The following DOCK3 variants were observed in gnomAD, a reference collection of about 807,000 sequenced individuals.
DOCK3 encodes the protein dedicator of cytokinesis protein 3.
Under a neutral mutation model 265.6 loss-of-function variants are expected in DOCK3, and 60 were observed. That is an observed-to-expected ratio of 0.23 (90% CI 0.18 to 0.28). The LOEUF (loss-of-function observed/expected upper bound fraction) is 0.28, where lower values mean the gene tolerates loss of function less well. Ranked by LOEUF, DOCK3 falls within the 10% of genes least tolerant of loss-of-function variation. The pLI is 1.00. For synonymous variants in DOCK3, 881 were observed against 938.0 expected (o/e 0.94, Z 1.11); for missense variants, 1,981 against 2,594.3 (o/e 0.76, Z 5.14).
At chr3:51,341,627 A>G (rs2085249718) in intron 38 of DOCK3, among the ~76,000 whole-genome samples, 1 of 152,246 alleles carries the variant, frequency 6.6e-6, no homozygotes. Context: ...ACTACCCTAC[A>G]TACTAGCTTT....
intron 1 of DOCK3, among the ~76,000 whole-genome samples, chr3:50,774,504 T>C (rs1271476581): frequency 6.6e-6 from 1 of 152,072 alleles, no homozygotes; most frequent in Non-Finnish European, 1.5e-5. Flanking sequence ...CATTTAATTT[T>C]CTAATTGTTT....
chr3:50,834,116 G>A (rs908585939), intron 2 of DOCK3, among the ~76,000 whole-genome samples: 2 of 151,700 alleles, frequency 1.3e-5, no homozygotes, highest in Admixed American at 1.3e-4. Flanking sequence ...CAGCTCTCCA[G>A]GAGAGTCCTG....
At chr3:50,804,164 C>T (rs1442965151) in intron 2 of DOCK3, among the ~76,000 whole-genome samples, 2 of 151,222 alleles carry the variant, frequency 1.3e-5, no homozygotes, top group East Asian at 3.9e-4. Context: ...GAGGCACTCC[C>T]CACATCTCAG....
At chr3:50,798,448 C>T (rs919422703) in intron 2 of DOCK3, among the ~76,000 whole-genome samples, 1 of 152,212 alleles carries the variant, frequency 6.6e-6, no homozygotes, top group Non-Finnish European at 1.5e-5. Flanking sequence ...GATCATCCCA[C>T]CTGCAATGGC....
chr3:51,360,278 G>A (rs546899869), intron 46 of DOCK3, among the ~76,000 whole-genome samples: 39 of 152,346 alleles, frequency 2.6e-4, no homozygotes, highest in Non-Finnish European at 5.4e-4. Context: ...TTAATGTGGA[G>A]TCAACCTGGG....
At chr3:51,350,469 C>T in intron 40 of DOCK3, 77 bp downstream of exon 40, 1 of 1,491,234 alleles carries the variant, frequency 6.7e-7, no homozygotes, top group Non-Finnish European at 9.2e-7. Context: ...CTTTTCTTCC[C>T]CTTTTTGCCT....
chr3:50,964,425 G>T (rs953841006), intron 5 of DOCK3, among the ~76,000 whole-genome samples: 12 of 152,042 alleles, frequency 7.9e-5, no homozygotes, highest in Admixed American at 7.2e-4. Flanking sequence ...AAGCTGGATG[G>T]TATTTAAAAA....
At chr3:51,083,847 G>A (rs2082325791) in intron 7 of DOCK3, among the ~76,000 whole-genome samples, 2 of 152,090 alleles carry the variant, frequency 1.3e-5, no homozygotes, top group South Asian at 4.2e-4. Flanking sequence ...AACCAGGCAT[G>A]GTGATGTGCA....
chr3:50,793,879 T>G (rs1487965319), intron 2 of DOCK3, among the ~76,000 whole-genome samples: 2 of 152,188 alleles, frequency 1.3e-5, no homozygotes, highest in Non-Finnish European at 2.9e-5. Context: ...GTGCTATATA[T>G]TTTCCTTTTA....
At chr3:50,977,721 A>T (rs367642668) in intron 5 of DOCK3, among the ~76,000 whole-genome samples, 5 of 151,956 alleles carry the variant, frequency 3.3e-5, no homozygotes, top group East Asian at 1.9e-4. Flanking sequence ...TTCTCCTGGA[A>T]AATATCCTGC....
intron 3 of DOCK3, among the ~76,000 whole-genome samples, chr3:50,850,308 G>A (rs987000493): frequency 4.7e-5 from 7 of 149,506 alleles, no homozygotes; most frequent in African/African-American, 7.4e-5. Flanking sequence ...TGCAGTGAGC[G>A]AAGATTGTGC....
At chr3:51,249,266 G>GC (rs992282579) in intron 22 of DOCK3, among the ~76,000 whole-genome samples, 2 of 132,672 alleles carry the variant, frequency 1.5e-5, no homozygotes, top group African/African-American at 5.8e-5. Flanking sequence ...CTGCCCGGCC[G>GC]CCCCTACTGG....
At chr3:50,803,867 G>A (rs542983482) in intron 2 of DOCK3, among the ~76,000 whole-genome samples, 33 of 151,788 alleles carry the variant, frequency 2.2e-4, no homozygotes, top group South Asian at 8.3e-4. Flanking sequence ...TGGACGGGGC[G>A]GCTGGCCGGG....
At chr3:50,695,816 C>G (rs953228332) in intron 1 of DOCK3, among the ~76,000 whole-genome samples, 4 of 152,158 alleles carry the variant, frequency 2.6e-5, no homozygotes, top group African/African-American at 7.2e-5. Flanking sequence ...AAAACTTCAG[C>G]TGAATTCAAT....
chr3:51,095,668 C>T (rs1227433265), intron 9 of DOCK3, among the ~76,000 whole-genome samples: 1 of 151,430 alleles, frequency 6.6e-6, no homozygotes, highest in Non-Finnish European at 1.5e-5. Context: ...TCTAATTTTA[C>T]CTGTTATTTG....
At chr3:50,819,265 T>C (rs1019880715) in intron 2 of DOCK3, among the ~76,000 whole-genome samples, 2 of 152,220 alleles carry the variant, frequency 1.3e-5, no homozygotes, top group African/African-American at 4.8e-5. Context: ...TTCTTTCTTG[T>C]TCTCTTAGTG....
intron 10 of DOCK3, among the ~76,000 whole-genome samples, chr3:51,152,346 G>A (rs2107408339): frequency 1.3e-5 from 2 of 152,188 alleles, no homozygotes; most frequent in East Asian, 3.9e-4. Context: ...GCTCCATCAG[G>A]TCATTTAAGG....
chr3:51,212,009 G>A (rs2089533489), intron 13 of DOCK3, among the ~76,000 whole-genome samples: 1 of 152,126 alleles, frequency 6.6e-6, no homozygotes, highest in African/African-American at 2.4e-5. Flanking sequence ...ATTCATGAAG[G>A]CTCTCTTGTG....
chr3:51,220,683 A>ATGTGTGTGTGTG (rs1289851107), intron 14 of DOCK3, among the ~76,000 whole-genome samples: 1 of 37,956 alleles, frequency 2.6e-5, no homozygotes, highest in South Asian at 1.5e-3. Flanking sequence ...ATATATATAT[A>ATGTGTGTGTGTG]TATATGTGTG....
Sources: allele counts gnomAD v4.1 joint callset (sites outside exome capture counted in the v4.1 genomes callset), GRCh38; gene constraint gnomAD v4.1.1; transcripts MANE v1.5; gene names NCBI Gene and HGNC (gene_info 2026-07-23, HGNC 2026-07-21).